The following MTUS1 variants were observed in gnomAD, a reference collection of about 807,000 sequenced individuals.
MTUS1 encodes microtubule associated scaffold protein 1.
In MTUS1, 109 loss-of-function variants were observed where a neutral mutation model predicts 120.8. The ratio of observed to expected loss-of-function variants is 0.90; its 90% CI spans 0.77 to 1.06. The LOEUF (loss-of-function observed/expected upper bound fraction) is 1.06, where lower values mean the gene tolerates loss of function less well. Among genes scored for constraint, MTUS1 ranks in the 50% least tolerant of loss-of-function variants. MTUS1 has a pLI of 0.00. For missense variants in MTUS1, 2,210 were observed against 1,486.3 expected, an observed-to-expected ratio of 1.49 and a Z score of -8.01; for synonymous variants, 737 against 550.5, an observed-to-expected ratio of 1.34 and a Z score of -4.74.
chr8:17,784,240 A>G (rs1166181495), intron 1 of MTUS1, among the ~76,000 whole-genome samples: 1 of 151,744 alleles, frequency 6.6e-6, no homozygotes, highest in Admixed American at 6.6e-5. Context: ...CTGCTGTTAC[A>G]TCAGTGTAAG....
chr8:17,719,978 G>C (rs1229569689), intron 4 of MTUS1, among the ~76,000 whole-genome samples: 1 of 151,588 alleles, frequency 6.6e-6, no homozygotes, highest in Admixed American at 6.6e-5. Flanking sequence ...CCTTGTCATT[G>C]ATCAGAGGAG....
chr8:17,743,913 G>A (rs147999036), intron 2 of MTUS1, 114 bp from the exon 3 acceptor site: 1 of 860,120 alleles, frequency 1.2e-6, no homozygotes. Context: ...TAAAAAACAA[G>A]TTCAGGCCAT....
chr8:17,704,609 T>A (rs1323018391), intron 6 of MTUS1, among the ~76,000 whole-genome samples: 1 of 152,208 alleles, frequency 6.6e-6, no homozygotes, highest in African/African-American at 2.4e-5. Flanking sequence ...CTAGACTATT[T>A]TATTCCATCG....
At chr8:17,656,755 A>G (rs1266727435) in intron 8 of MTUS1, among the ~76,000 whole-genome samples, 1 of 151,838 alleles carries the variant, frequency 6.6e-6, no homozygotes, top group Non-Finnish European at 1.5e-5. Context: ...CTCACACAAG[A>G]GCAGGAAAGA....
At chr8:17,709,552 T>C (rs571716578) in intron 6 of MTUS1, among the ~76,000 whole-genome samples, 3 of 152,262 alleles carry the variant, frequency 2.0e-5, no homozygotes, top group South Asian at 2.1e-4. Flanking sequence ...GTAGTCAACA[T>C]TCTGTAACAT....
In MTUS1 at chr8:17,753,986, CG is replaced by C; in HGVS notation, c.1821del (p.Val608Ter). The C allele has an allele frequency of 6.2e-7, 1 of 1,614,190 alleles. No homozygotes were observed. Reference sequence around the variant, plus strand: ...TCAACATCTTCCTGATTCGATTTCACGGCAGATGTTGTTCTTGGAACCCTGT... The same window carrying C: ...TCAACATCTTCCTGATTCGATTTCACGCAGATGTTGTTCTTGGAACCCTGT... The part of the protein sequence containing the change: ...ASHRVPRTTS[A>X]VKSNQEDVDK... On this transcript the variant is annotated frameshift_variant, in exon 2 of 15. Coordinates refer to ENST00000693296, the MANE Select transcript of MTUS1 (RefSeq NM_001363059.2). LOFTEE classifies it high-confidence loss of function.
At chr8:17,789,256 C>T (rs147766371) in intron 1 of MTUS1, among the ~76,000 whole-genome samples, 3,756 of 152,226 alleles carry the variant, frequency 0.025, 152 homozygotes, top group African/African-American at 0.086. Context: ...GTCTCCAACT[C>T]CCAATCTCAG....
At position 17,755,359 on chromosome 8, in the gene MTUS1, C is replaced by T. The variant is rs1207567384; in HGVS notation, c.449G>A (p.Gly150Asp). The stretch of plus-strand genomic sequence containing the variant: ...GTTTAGCTCCAAGGCATCACAGTAG[C>T]CTGCACAGTTCAAATTGTCATTAGG... ...WKPNDNLNCA[G>D]YCDALELNQT... The change falls in exon 2 of 15, where the codon GGC becomes GAC. Residue 150 changes from glycine (G) to aspartate (D), a missense_variant. Physicochemically the swap from Gly to Asp is moderately conservative, Grantham distance 94. Coordinates refer to ENST00000693296, the MANE Select transcript of MTUS1 (RefSeq NM_001363059.2). 1.2e-6 allele frequency: 2 copies of T among 1,614,060 alleles called. No individual in the cohort carries two copies. The highest frequency in any genetic ancestry group is 1.7e-5 in the Admixed American group (1 of 59,998).
At chr8:17,715,172 C>T (rs930058700) in intron 5 of MTUS1, among the ~76,000 whole-genome samples, 2 of 152,002 alleles carry the variant, frequency 1.3e-5, no homozygotes, top group African/African-American at 4.8e-5. Context: ...TCCCAAAGTG[C>T]TGGGATTACA....
At chr8:17,714,756 A>C (rs1224753865) in intron 5 of MTUS1, among the ~76,000 whole-genome samples, 1 of 152,140 alleles carries the variant, frequency 6.6e-6, no homozygotes, top group Non-Finnish European at 1.5e-5. Context: ...GGTTGACAGA[A>C]TTAAGGAAGA....
At chr8:17,654,515 TC>T in intron 10 of MTUS1, 45 bp downstream of exon 10, 1 of 1,217,372 alleles carries the variant, frequency 8.2e-7, no homozygotes, top group Non-Finnish European at 1.2e-6. Context: ...ATCATGTGGT[TC>T]CTTCAGATTT....
At chr8:17,664,309 C>T (rs1052641675) in intron 8 of MTUS1, among the ~76,000 whole-genome samples, 4 of 152,084 alleles carry the variant, frequency 2.6e-5, no homozygotes, top group African/African-American at 9.7e-5. Flanking sequence ...AAGAAAAGTG[C>T]CAGGCAAATT....
chr8:17,764,402 C>CAA (rs11400332), intron 1 of MTUS1, among the ~76,000 whole-genome samples: 2,629 of 138,224 alleles, frequency 0.019, 38 homozygotes, highest in African/African-American at 0.043. Context: ...AAGAAAACTG[C>CAA]AAAAAAAAAA....
At chr8:17,739,169 A>G (rs1193213287) in intron 3 of MTUS1, among the ~76,000 whole-genome samples, 1 of 152,060 alleles carries the variant, frequency 6.6e-6, no homozygotes, top group East Asian at 1.9e-4. Flanking sequence ...AAAACAAACA[A>G]ACAAAAAAAC....
intron 5 of MTUS1, among the ~76,000 whole-genome samples, chr8:17,714,540 G>C (rs1222649636): frequency 6.6e-6 from 1 of 152,088 alleles, no homozygotes; most frequent in Non-Finnish European, 1.5e-5. Flanking sequence ...CCCAATAAAA[G>C]TCAGAAGTTG....
intron 1 of MTUS1, among the ~76,000 whole-genome samples, chr8:17,783,039 T>C (rs763420938): frequency 2.3e-4 from 35 of 152,058 alleles, no homozygotes; most frequent in African/African-American, 4.6e-4. Flanking sequence ...GATCGTGCCA[T>C]TGCACTCCAA....
At chr8:17,670,102 T>C (rs577837407) in intron 8 of MTUS1, among the ~76,000 whole-genome samples, 2 of 152,284 alleles carry the variant, frequency 1.3e-5, no homozygotes, top group East Asian at 3.9e-4. Context: ...AGGAGTATGA[T>C]TTCAGTTGTT....
chr8:17,692,782 C>G (rs1036290698), intron 6 of MTUS1, among the ~76,000 whole-genome samples: 4 of 152,126 alleles, frequency 2.6e-5, no homozygotes, highest in African/African-American at 9.7e-5. Context: ...GTACAAGAAT[C>G]TGTACAATAA....
intron 6 of MTUS1, among the ~76,000 whole-genome samples, chr8:17,712,452 T>G (rs1436589535): frequency 2.6e-5 from 4 of 152,124 alleles, no homozygotes; most frequent in Non-Finnish European, 5.9e-5. Context: ...TTATCCTGCC[T>G]CAGCCTCCTG....
Sources: allele counts gnomAD v4.1 joint callset (sites outside exome capture counted in the v4.1 genomes callset), GRCh38; gene constraint gnomAD v4.1.1; transcripts MANE v1.5; gene names NCBI Gene and HGNC (gene_info 2026-07-23, HGNC 2026-07-21).